The following BCL2L1 variants were observed in gnomAD, a reference collection of about 807,000 sequenced individuals.
BCL2L1 encodes the protein BCL2 like 1.
A neutral mutation model predicts 18.7 loss-of-function variants in BCL2L1; 1 was observed. That is an observed-to-expected ratio of 0.05 (90% confidence interval 0.02 to 0.25). The LOEUF (loss-of-function observed/expected upper bound fraction) is 0.25. Ranked by LOEUF, BCL2L1 falls within the 10% of genes least tolerant of loss-of-function variation. The pLI is 1.00. For missense variants in BCL2L1, 207 were observed against 304.9 expected, an observed-to-expected ratio of 0.68 and a Z score of 2.39; for synonymous variants, 103 against 122.7, an observed-to-expected ratio of 0.84 and a Z score of 1.06.
intron 2 of BCL2L1, among the ~76,000 whole-genome samples, chr20:31,690,530 CCAGTAGTATTTTGAAGCA>C (rs1022252850): frequency 1.3e-5 from 2 of 152,106 alleles, no homozygotes; most frequent in Non-Finnish European, 2.9e-5. Context: ...ATCTCTCACT[CCAGTAGTATTTTGAAGCA>C]AATCCCACAC....
At chr20:31,699,597 T>C (rs1246976539) in intron 2 of BCL2L1, among the ~76,000 whole-genome samples, 2 of 152,226 alleles carry the variant, frequency 1.3e-5, no homozygotes, top group African/African-American at 4.8e-5. Flanking sequence ...GCTAAGCAGC[T>C]TTCTGCATAT....
At position 31,664,806 on chromosome 20, in the gene BCL2L1, C is replaced by T; in HGVS notation, c.*1143G>A. ...GTGGCTGGGACCCCTGGGGATGAGA[C>T]AGGCCAAGGGTGGAGCAGAAGAGAG... On this transcript the variant is annotated 3_prime_UTR_variant, in exon 3 of 3. Transcript: ENST00000307677. 1 of 223,466 alleles carries T rather than the reference C, an allele frequency of 4.5e-6. No individual in the cohort carries two copies. The highest frequency in any genetic ancestry group is 9.0e-6 in the Non-Finnish European group (1 of 111,474). The allele number at this position is 223,466 out of a possible 1,614,324, so 13.8% of individuals were successfully genotyped here.
At chr20:31,684,313 C>T (rs1458839335) in intron 2 of BCL2L1, among the ~76,000 whole-genome samples, 25 of 152,236 alleles carry the variant, frequency 1.6e-4, no homozygotes. Context: ...CATGAGTGTG[C>T]CAGGCTGGGA....
intron 2 of BCL2L1, among the ~76,000 whole-genome samples, chr20:31,689,268 AGGGGGAGGGCAGGGGAG>A (rs2061015542): frequency 1.6e-5 from 1 of 61,108 alleles, no homozygotes; most frequent in Non-Finnish European, 3.2e-5. Context: ...AGGGAAGGGG[AGGGGGAGGGCAGGGGAG>A]GGGAGGGAAG....
intron 2 of BCL2L1, 93 bp downstream of exon 2, chr20:31,721,562 C>T: frequency 1.4e-6 from 2 of 1,430,784 alleles, no homozygotes; most frequent in Admixed American, 4.8e-5. Context: ...CAACAATCAC[C>T]CAACACAACA....
chr20:31,700,291 A>C (rs866843999), intron 2 of BCL2L1, among the ~76,000 whole-genome samples: 2 of 151,594 alleles, frequency 1.3e-5, no homozygotes, highest in Admixed American at 6.6e-5. Context: ...CCCACACTTA[A>C]CTCCTCCCCT....
chr20:31,666,589 G>A (rs752354423), intron 2 of BCL2L1, among the ~76,000 whole-genome samples: 36 of 152,092 alleles, frequency 2.4e-4, no homozygotes, highest in Non-Finnish European at 1.5e-5. Context: ...GGATAAGGAA[G>A]CCCAGGGCTA....
At chr20:31,673,285 G>T (rs2060702463) in intron 2 of BCL2L1, among the ~76,000 whole-genome samples, 1 of 151,726 alleles carries the variant, frequency 6.6e-6, no homozygotes, top group Non-Finnish European at 1.5e-5. Context: ...TGTTGGCCAG[G>T]CTGGTCTGGA....
In BCL2L1 at chr20:31,672,927, A is replaced by G. The variant is rs1348949568; in HGVS notation, c.565-6841T>C. Among the ~76,000 whole-genome samples the G allele has an allele frequency of 4.0e-5, 6 of 151,392 alleles. No individual in the cohort carries two copies. In the East Asian group the frequency reaches 1.2e-3, roughly 29 times the overall value. ...ACTACATTGCCCAGGGTGGTTTCAA[A>G]CTCCTGGCCTCATCCTCCTACCTTG... is the stretch of plus-strand genomic sequence containing the variant. On this transcript the variant is annotated intron_variant, in intron 2 of 2. Coordinates refer to ENST00000307677, the MANE Select transcript of BCL2L1 (RefSeq NM_138578.3).
At chr20:31,695,007 C>T (rs2061144016) in intron 2 of BCL2L1, among the ~76,000 whole-genome samples, 1 of 152,192 alleles carries the variant, frequency 6.6e-6, no homozygotes, top group Admixed American at 6.5e-5. Context: ...GGCATCTTCC[C>T]CTTATTAAAT....
chr20:31,696,487 T>G (rs1470454819), intron 2 of BCL2L1, among the ~76,000 whole-genome samples: 1 of 152,180 alleles, frequency 6.6e-6, no homozygotes, highest in African/African-American at 2.4e-5. Flanking sequence ...CCTGGGCAGT[T>G]GAAACCCAGG....
Position 31,722,310 on chromosome 20 carries a change from A to T in BCL2L1, c.-92T>A. 3 of 967,890 alleles carry T rather than the reference A, an allele frequency of 3.1e-6. No individual in the cohort carries two copies. The highest frequency in any genetic ancestry group is 4.3e-6 in the Non-Finnish European group (3 of 701,450). The allele number at this position is 967,890 out of a possible 1,614,324, so 60.0% of individuals were successfully genotyped here. On this transcript the variant is annotated 5_prime_UTR_variant, in exon 2 of 3. Coordinates refer to ENST00000307677, the MANE Select transcript of BCL2L1 (RefSeq NM_138578.3). The stretch of plus-strand genomic sequence containing the variant: ...CTCTGGTTAGTGATTCTCTTCTAAG[A>T]TCCAAAGCCAAGATAAGATTCTGAA...
rs2060556198 is a variant in BCL2L1, at chr20:31,664,534, T to C, written c.*1415A>G. 1 of 185,198 alleles carries C rather than the reference T, an allele frequency of 5.4e-6. No individual in the cohort carries two copies. Among genetic ancestry groups the C allele is most frequent in the Non-Finnish European group, 1.1e-5 (1 of 87,982 alleles). 11.5% of individuals were successfully genotyped at this position (185,198 alleles called of 1,614,324 possible). ...GACTATTTCAAAGAGCTGGAACAAG[T>C]GTGGGGTGGGGGTTGGGGGAGGGGC... On this transcript the variant is annotated 3_prime_UTR_variant, in exon 3 of 3. Coordinates refer to ENST00000307677, the MANE Select transcript of BCL2L1 (RefSeq NM_138578.3).
intron 2 of BCL2L1, among the ~76,000 whole-genome samples, chr20:31,690,206 C>T (rs993576966): frequency 2.0e-5 from 3 of 152,000 alleles, no homozygotes; most frequent in Admixed American, 1.3e-4. Flanking sequence ...ATTTTAGCTT[C>T]CCAAGTAGCT....
chr20:31,701,958 T>C (rs2061284864), intron 2 of BCL2L1, among the ~76,000 whole-genome samples: 1 of 152,224 alleles, frequency 6.6e-6, no homozygotes, highest in Non-Finnish European at 1.5e-5. Flanking sequence ...ATGGGGCTTA[T>C]ATTCTAATAG....
intron 2 of BCL2L1, among the ~76,000 whole-genome samples, chr20:31,676,699 C>T (rs1057271319): frequency 5.3e-5 from 8 of 152,180 alleles, no homozygotes; most frequent in African/African-American, 1.9e-4. Flanking sequence ...AAGCTCACCA[C>T]GAACACCCCC....
chr20:31,673,351 G>A (rs2060703615), intron 2 of BCL2L1, among the ~76,000 whole-genome samples: 1 of 151,938 alleles, frequency 6.6e-6, no homozygotes, highest in African/African-American at 2.4e-5. Context: ...TAGGATTAAA[G>A]ACATGAGCCA....
intron 2 of BCL2L1, among the ~76,000 whole-genome samples, chr20:31,692,127 A>G (rs571780485): frequency 6.6e-6 from 1 of 152,350 alleles, no homozygotes; most frequent in East Asian, 1.9e-4. Context: ...CCTGACATAC[A>G]CAATCAAACA....
At chr20:31,673,954 C>A (rs576877313) in intron 2 of BCL2L1, among the ~76,000 whole-genome samples, 1 of 152,162 alleles carries the variant, frequency 6.6e-6, no homozygotes, top group African/African-American at 2.4e-5. Flanking sequence ...CAAATGAATG[C>A]TTTCATTTGA....
Sources: gnomAD v4.1 joint callset for allele counts (sites outside exome capture counted in the v4.1 genomes callset) on GRCh38, gnomAD v4.1.1 for gene constraint, MANE v1.5 for transcripts, NCBI Gene and HGNC (gene_info 2026-07-23, HGNC 2026-07-21) for gene names.